The following GSE1 variants were observed in gnomAD, a reference collection of about 807,000 sequenced individuals.
GSE1 encodes genetic suppressor element 1.
GSE1 carries 32 observed loss-of-function variants against 112.6 expected under a neutral mutation model. That is an observed-to-expected ratio of 0.28 (90% CI 0.21 to 0.38). The LOEUF (loss-of-function observed/expected upper bound fraction) is 0.38, where lower values mean the gene tolerates loss of function less well. Ranked by LOEUF, GSE1 falls within the 10% of genes least tolerant of loss-of-function variation. GSE1 has a pLI of 1.00. For missense variants in GSE1, 2,348 were observed against 1,699.2 expected (o/e 1.38, Z -6.71); for synonymous variants, 1,115 against 735.6 (o/e 1.52, Z -8.35).
chr16:85,204,958 A>T (rs1021684130), intron 1 of GSE1, among the ~76,000 whole-genome samples: 1 of 152,212 alleles, frequency 6.6e-6, no homozygotes, highest in Non-Finnish European at 1.5e-5. Context: ...AGGACACTCC[A>T]AAAGGGAATC....
intron 1 of GSE1, among the ~76,000 whole-genome samples, chr16:85,625,322 C>A (rs1003957616): frequency 1.3e-5 from 2 of 152,236 alleles, no homozygotes; most frequent in Non-Finnish European, 2.9e-5. Context: ...CATCCGGGAA[C>A]CTCCGGGACC....
intron 2 of GSE1, among the ~76,000 whole-genome samples, chr16:85,388,488 G>GGA (rs1467884266): frequency 6.4e-5 from 6 of 93,218 alleles, no homozygotes; most frequent in Non-Finnish European, 1.1e-4. Context: ...GGGTGGGTGG[G>GGA]TGGGTGGATG....
At chr16:85,506,538 T>C (rs968345820) in intron 2 of GSE1, among the ~76,000 whole-genome samples, 9 of 151,928 alleles carry the variant, frequency 5.9e-5, no homozygotes, top group African/African-American at 2.2e-4. Flanking sequence ...CAGGGGAGCT[T>C]CTGGAGTGGC....
At chr16:85,200,512 T>C in intron 1 of GSE1, among the ~76,000 whole-genome samples, 1 of 152,080 alleles carries the variant, frequency 6.6e-6, no homozygotes, top group East Asian at 1.9e-4. Context: ...CCCAGGGCCC[T>C]GTTCTCTAAA....
At position 85,665,887 on chromosome 16, in the gene GSE1, G is replaced by C. The variant is rs575590351; in HGVS notation, c.2759-89G>C. 86 of 1,282,604 alleles carry C rather than the reference G, an allele frequency of 6.7e-5. No homozygotes were observed. The African/African-American group carries it at 1.2e-3, about 18-fold the overall frequency. The allele number at this position is 1,282,604 out of a possible 1,614,324, so 79.5% of individuals were successfully genotyped here. A position where few individuals can be genotyped will look rare whatever the true frequency, so the allele number is the denominator to read the frequency against. ...TCTTTGCGCTAGGTCTTTGTTAAGT[G>C]TAAGCTCTAGAGACCAGGATCTGCG... is the stretch of plus-strand genomic sequence containing the variant. On this transcript the variant is annotated intron_variant, in intron 12 of 15. Coordinates refer to ENST00000253458, the MANE Select transcript of GSE1 (RefSeq NM_014615.5).
chr16:85,514,493 G>A (rs908018212), intron 2 of GSE1, among the ~76,000 whole-genome samples: 1 of 150,250 alleles, frequency 6.7e-6, no homozygotes, highest in Non-Finnish European at 1.5e-5. Context: ...GGGCAGTCAG[G>A]CCTGGAGGTG....
chr16:85,656,334 G>A lies in GSE1; in HGVS notation c.990-9G>A, dbSNP rs769913327. 2.5e-6 allele frequency: 4 copies of A among 1,610,932 alleles called. No homozygotes were observed. The highest frequency in any genetic ancestry group is 3.4e-6 in the Non-Finnish European group (4 of 1,179,082). ...CAGCAGAGCCCCCAACTCTTTCCATGTGCTGCAGGCTGCAGATGGACGAGG... is the reference window on the plus strand; with the variant it reads ...CAGCAGAGCCCCCAACTCTTTCCATATGCTGCAGGCTGCAGATGGACGAGG... On this transcript the variant is annotated splice_polypyrimidine_tract_variant and intron_variant, in intron 6 of 15. Transcript: ENST00000253458.
chr16:85,243,049 G>T (rs982970361), intron 1 of GSE1, among the ~76,000 whole-genome samples: 8 of 152,164 alleles, frequency 5.3e-5, no homozygotes, highest in Admixed American at 2.6e-4. Context: ...CTAGGCTCAA[G>T]CAATCCTCCT....
At chr16:85,555,819 C>T (rs536008723), upstream of GSE1, 46 of 841,094 alleles carry the variant, frequency 5.5e-5, no homozygotes, top group African/African-American at 6.5e-4. Context: ...TTTTTTCTTT[C>T]CCCCCTCTCT....
At chr16:85,170,540 C>T (rs1009854604) in exon 1 of GSE1, 2 of 985,672 alleles carry the variant, frequency 2.0e-6, no homozygotes, top group South Asian at 4.7e-5. Flanking sequence ...CAGCCTTTCC[C>T]AGGCGTCTGC....
At chr16:85,668,898 A>G (rs964136772) in intron 14 of GSE1, among the ~76,000 whole-genome samples, 1 of 152,222 alleles carries the variant, frequency 6.6e-6, no homozygotes, top group Non-Finnish European at 1.5e-5. Flanking sequence ...TACTTTAGCC[A>G]AGCACTTTGC....
At chr16:85,448,928 G>A (rs1481918997) in intron 2 of GSE1, among the ~76,000 whole-genome samples, 1 of 152,222 alleles carries the variant, frequency 6.6e-6, no homozygotes, top group Admixed American at 6.5e-5. Context: ...TCTACGCGCA[G>A]CAATTGAGTC....
At chr16:85,645,704 G>A (rs2050796806) in intron 2 of GSE1, among the ~76,000 whole-genome samples, 1 of 152,216 alleles carries the variant, frequency 6.6e-6, no homozygotes, top group Non-Finnish European at 1.5e-5. Flanking sequence ...AGATGAGGCT[G>A]CTTCTGCCCC....
intron 2 of GSE1, among the ~76,000 whole-genome samples, chr16:85,426,156 T>G (rs960036371): frequency 2.0e-5 from 3 of 147,928 alleles, no homozygotes; most frequent in Non-Finnish European, 4.5e-5. Context: ...GATGAATGGA[T>G]GGGTGGGTGG....
intron 1 of GSE1, among the ~76,000 whole-genome samples, chr16:85,312,210 G>GT (rs1555559898): frequency 2.0e-5 from 3 of 151,608 alleles, no homozygotes; most frequent in Middle Eastern, 3.4e-3. Flanking sequence ...CTTGCGGGGG[G>GT]GGGGGGGACA....
rs532861898 is a variant in GSE1, at chr16:85,290,219, C to A, written c.2284-67244C>A. Among the ~76,000 whole-genome samples the A allele has an allele frequency of 4.1e-4, 63 of 152,310 alleles. 1 individual carries two copies. The highest frequency in any genetic ancestry group is 1.5e-3 in the African/African-American group (62 of 41,572). ...CTGAGGGCAGCCTTCCTGCCCCTGG[C>A]CAAGGCCCCGCCCGCACTTCCCTGC... On this transcript the variant is annotated intron_variant, in intron 1 of 2. Transcript: ENST00000637419.
intron 2 of GSE1, among the ~76,000 whole-genome samples, chr16:85,445,616 T>C (rs971368738): frequency 1.3e-5 from 2 of 152,202 alleles, no homozygotes; most frequent in African/African-American, 2.4e-5. Context: ...TTTATTGGAT[T>C]GCAGTTTGGG....
intron 1 of GSE1, among the ~76,000 whole-genome samples, chr16:85,235,656 C>T (rs937695434): frequency 2.4e-4 from 37 of 151,686 alleles, no homozygotes; most frequent in African/African-American, 8.7e-4. Context: ...CTCCTCCCCC[C>T]GAGGGTGGGG....
At chr16:85,660,323 C>G (rs2052326407) in intron 8 of GSE1, among the ~76,000 whole-genome samples, 1 of 152,200 alleles carries the variant, frequency 6.6e-6, no homozygotes, top group South Asian at 2.1e-4. Flanking sequence ...CCTCTTGGAG[C>G]AGCCTGCACA....
Sources: gnomAD v4.1 joint callset for allele counts (sites outside exome capture counted in the v4.1 genomes callset) on GRCh38, gnomAD v4.1.1 for gene constraint, MANE v1.5 for transcripts, NCBI Gene and HGNC (gene_info 2026-07-23, HGNC 2026-07-21) for gene names.